Variants in PRKCE observed in about 807,000 individuals in gnomAD.
PRKCE encodes protein kinase C epsilon, also known as protein kinase C epsilon type.
A neutral mutation model predicts 85.4 loss-of-function variants in PRKCE; 16 were observed. The ratio of observed to expected loss-of-function variants is 0.19; its 90% CI spans 0.13 to 0.28. The LOEUF (loss-of-function observed/expected upper bound fraction) is 0.28, where lower values mean the gene tolerates loss of function less well. Among genes scored for constraint, PRKCE ranks in the 10% least tolerant of loss-of-function variants. The probability of loss-of-function intolerance (pLI) is 1.00; values close to 1 mark genes in which losing one functional copy is unlikely to be tolerated. For synonymous variants in PRKCE, 388 were observed against 371.5 expected, an observed-to-expected ratio of 1.04 and a Z score of -0.51; for missense variants, 573 against 975.2, an observed-to-expected ratio of 0.59 and a Z score of 5.49.
At chr2:46,144,821 C>T (rs1402623800) in intron 11 of PRKCE, among the ~76,000 whole-genome samples, 1 of 152,150 alleles carries the variant, frequency 6.6e-6, no homozygotes, top group Non-Finnish European at 1.5e-5. Flanking sequence ...TCTATATATA[C>T]CTACTGACTT....
intron 10 of PRKCE, among the ~76,000 whole-genome samples, chr2:46,048,543 G>C (rs1033050790): frequency 6.6e-6 from 1 of 152,158 alleles, no homozygotes; most frequent in East Asian, 1.9e-4. Flanking sequence ...CTCGGGTCTT[G>C]TCACCGAGGG....
At chr2:46,111,469 G>A (rs542373680) in intron 11 of PRKCE, among the ~76,000 whole-genome samples, 1 of 152,116 alleles carries the variant, frequency 6.6e-6, no homozygotes, top group Non-Finnish European at 1.5e-5. Context: ...AAGGAACTCC[G>A]TTCCTTTTAA....
chr2:45,984,828 C>A, intron 6 of PRKCE, 148 bp downstream of exon 6: 2 of 1,180,694 alleles, frequency 1.7e-6, no homozygotes, highest in Non-Finnish European at 2.3e-6. Context: ...ATTAGTAACT[C>A]TGTGCATTTG....
chr2:45,879,876 G>C (rs941361915), intron 2 of PRKCE, among the ~76,000 whole-genome samples: 1 of 152,202 alleles, frequency 6.6e-6, no homozygotes, highest in African/African-American at 2.4e-5. Context: ...ATTTCTTTGT[G>C]TTGGGAATGT....
chr2:46,086,572 T>C (rs1414476325), intron 11 of PRKCE, among the ~76,000 whole-genome samples: 1 of 152,212 alleles, frequency 6.6e-6, no homozygotes. Context: ...TTTGACCCAC[T>C]GTTTGTGCCA....
chr2:46,084,138 A>T (rs1669359447), intron 10 of PRKCE, among the ~76,000 whole-genome samples: 1 of 152,228 alleles, frequency 6.6e-6, no homozygotes, highest in African/African-American at 2.4e-5. Flanking sequence ...TACTCTGGGG[A>T]GAAAACGAGG....
At chr2:45,707,446 A>G (rs1679205143) in intron 1 of PRKCE, among the ~76,000 whole-genome samples, 1 of 152,230 alleles carries the variant, frequency 6.6e-6, no homozygotes, top group Non-Finnish European at 1.5e-5. Context: ...ATCTCATTCT[A>G]ACTTCAGAAC....
chr2:45,861,495 C>CA lies in PRKCE; in HGVS notation c.412+18439dup, dbSNP rs142599372. Reference sequence around the variant, plus strand: ...TATACATTATATATACATACAATAGCAAAAAAATATAGAGTAGAAATGCCC... The same window carrying CA: ...TATACATTATATATACATACAATAGCAAAAAAAATATAGAGTAGAAATGCCC... On this transcript the variant is annotated intron_variant, in intron 2 of 14. Transcript: ENST00000306156. Among the ~76,000 whole-genome samples, 1,489 of 152,084 alleles carry CA rather than the reference C, an allele frequency of 9.8e-3. 22 individuals carry two copies. The highest frequency in any genetic ancestry group is 0.034 in the African/African-American group (1,405 of 41,470).
At chr2:45,676,728 C>A (rs944026698) in intron 1 of PRKCE, 2 of 152,250 alleles carry the variant, frequency 1.3e-5, no homozygotes, top group African/African-American at 4.8e-5. Context: ...GCAGGCCCAT[C>A]CTTCTGTGGT....
intron 1 of PRKCE, among the ~76,000 whole-genome samples, chr2:45,745,807 C>T (rs1054029853): frequency 1.3e-5 from 2 of 152,018 alleles, no homozygotes; most frequent in African/African-American, 2.4e-5. Context: ...ACAATATCAG[C>T]GTTCCAGTTT....
intron 1 of PRKCE, among the ~76,000 whole-genome samples, chr2:45,777,132 A>G (rs758134801): frequency 1.3e-5 from 2 of 152,160 alleles, no homozygotes; most frequent in African/African-American, 4.8e-5. Flanking sequence ...CATTTGGAAT[A>G]TGTATTATAA....
intron 11 of PRKCE, among the ~76,000 whole-genome samples, chr2:46,094,636 T>G (rs1574456954): frequency 1.4e-5 from 2 of 143,924 alleles, no homozygotes; most frequent in African/African-American, 2.6e-5. Context: ...GGGGATGGGG[T>G]TGGGAGGGTG....
intron 10 of PRKCE, among the ~76,000 whole-genome samples, chr2:46,064,222 A>C (rs952252717): frequency 3.3e-5 from 5 of 150,382 alleles, no homozygotes; most frequent in Admixed American, 6.7e-5. Flanking sequence ...GTGGAGGTTG[A>C]AGTGAGCCAA....
chr2:45,667,113 C>A (rs1046300595), intron 1 of PRKCE, among the ~76,000 whole-genome samples: 1 of 152,092 alleles, frequency 6.6e-6, no homozygotes, highest in African/African-American at 2.4e-5. Context: ...GAGTTCGAGA[C>A]CAGCCTGGCC....
chr2:45,793,119 C>A (rs1421076625), intron 1 of PRKCE, among the ~76,000 whole-genome samples: 1 of 152,192 alleles, frequency 6.6e-6, no homozygotes, highest in African/African-American at 2.4e-5. Context: ...ATTTGCCCTT[C>A]CTTGTTCCAG....
intron 10 of PRKCE, among the ~76,000 whole-genome samples, chr2:46,072,018 A>G (rs1668124677): frequency 1.3e-5 from 2 of 152,250 alleles, no homozygotes. Context: ...CAATGGTTCA[A>G]CAATTCTTCA....
intron 1 of PRKCE, among the ~76,000 whole-genome samples, chr2:45,684,100 G>C (rs1677103760): frequency 6.6e-6 from 1 of 152,190 alleles, no homozygotes; most frequent in South Asian, 2.1e-4. Context: ...GTCAAGTCAA[G>C]GGGGAGGTCT....
chr2:45,698,484 T>C (rs553977552), intron 1 of PRKCE, among the ~76,000 whole-genome samples: 1 of 151,892 alleles, frequency 6.6e-6, no homozygotes, highest in Middle Eastern at 3.4e-3. Flanking sequence ...TCTCTGCTAA[T>C]GATGTGGAGC....
intron 11 of PRKCE, among the ~76,000 whole-genome samples, chr2:46,113,548 G>A (rs1261162324): frequency 1.3e-5 from 2 of 152,160 alleles, no homozygotes; most frequent in African/African-American, 4.8e-5. Flanking sequence ...GAAACTCTGG[G>A]GAGAAGTACT....
Sources: allele counts gnomAD v4.1 joint callset (sites outside exome capture counted in the v4.1 genomes callset), GRCh38; gene constraint gnomAD v4.1.1; transcripts MANE v1.5; gene names NCBI Gene and HGNC (gene_info 2026-07-23, HGNC 2026-07-21).